The following KCNIP4 variants were observed in gnomAD, a reference collection of about 807,000 sequenced individuals.
The protein encoded by KCNIP4 is potassium voltage-gated channel interacting protein 4.
A neutral mutation model predicts 34.0 loss-of-function variants in KCNIP4; 12 were observed. The observed-to-expected ratio is 0.35, with a 90% CI of 0.23 to 0.57. The LOEUF is 0.57. KCNIP4 is among the 20% of genes least tolerant of loss of function. KCNIP4 has a pLI of 0.83. For synonymous variants in KCNIP4, 124 were observed against 102.2 expected (o/e 1.21, Z -1.29); for missense variants, 238 against 311.7 (o/e 0.76, Z 1.78).
At chr4:20,822,426 G>C (rs1717221520) in intron 3 of KCNIP4, among the ~76,000 whole-genome samples, 1 of 152,174 alleles carries the variant, frequency 6.6e-6, no homozygotes, top group South Asian at 2.1e-4. Flanking sequence ...AACAATAGAT[G>C]TTGGTTGGTG....
chr4:21,559,017 A>G (rs946290170), intron 1 of KCNIP4, among the ~76,000 whole-genome samples: 1 of 152,182 alleles, frequency 6.6e-6, no homozygotes, highest in Non-Finnish European at 1.5e-5. Context: ...GAATAAGAAC[A>G]TAGGCTTTGG....
intron 1 of KCNIP4, among the ~76,000 whole-genome samples, chr4:21,147,939 C>CAAAAAAAAAAAAAAAAAAAAAAAAAAAA (rs377562727): frequency 7.7e-4 from 24 of 30,992 alleles, no homozygotes; most frequent in East Asian, 1.9e-3. Context: ...AACTCCGTCT[C>CAAAAAAAAAAAAAAAAAAAAAAAAAAAA]AAAAAAAAAA....
intron 1 of KCNIP4, among the ~76,000 whole-genome samples, chr4:21,172,211 T>C (rs192654196): frequency 1.7e-4 from 26 of 152,188 alleles, no homozygotes; most frequent in Middle Eastern, 3.4e-3. Context: ...TTTGTATTTT[T>C]AGTAGAGAAG....
At chr4:21,494,773 TAA>T (rs34162922) in intron 1 of KCNIP4, among the ~76,000 whole-genome samples, 1,537 of 111,686 alleles carry the variant, frequency 0.014, 59 homozygotes, top group East Asian at 0.13. Flanking sequence ...TCAGACTGTG[TAA>T]AAAAAAAAAA....
rs1016514735 is a variant in KCNIP4 at position 21,881,390 on chromosome 4, A to C, written c.61+67181T>G. ...AAGCTAAATGTGAAGGCAGTGAAAG[A>C]AAAATAGTACCCTAGGATAAAATAG... is the stretch of plus-strand genomic sequence containing the variant. On this transcript the variant is annotated intron_variant, in intron 1 of 8. Coordinates refer to ENST00000382152, the MANE Select transcript of KCNIP4 (RefSeq NM_025221.6). Among the ~76,000 whole-genome samples the C allele has an allele frequency of 2.0e-5, 3 of 152,300 alleles. No homozygotes were observed. The Middle Eastern group carries it at 0.01, about 518-fold the overall frequency.
intron 1 of KCNIP4, among the ~76,000 whole-genome samples, chr4:21,222,806 T>A (rs1465958696): frequency 6.6e-6 from 1 of 152,178 alleles, no homozygotes; most frequent in Non-Finnish European, 1.5e-5. Context: ...TTTATGCCAG[T>A]TTTTCACATA....
At chr4:21,528,062 G>A (rs192276421) in intron 1 of KCNIP4, among the ~76,000 whole-genome samples, 5 of 152,182 alleles carry the variant, frequency 3.3e-5, no homozygotes, top group Admixed American at 2.6e-4. Context: ...CAGTATCATC[G>A]AGTTCTAAGG....
chr4:21,167,963 A>G (rs1753753591), intron 1 of KCNIP4, among the ~76,000 whole-genome samples: 2 of 152,186 alleles, frequency 1.3e-5, no homozygotes, highest in African/African-American at 4.8e-5. Flanking sequence ...TGATCAGGCC[A>G]CCTCAGTGCC....
intron 1 of KCNIP4, among the ~76,000 whole-genome samples, chr4:21,822,919 A>G (rs972583194): frequency 1.3e-5 from 2 of 151,968 alleles, no homozygotes; most frequent in African/African-American, 4.8e-5. Context: ...GGGTTTCACC[A>G]TGTTGGCCAG....
intron 1 of KCNIP4, among the ~76,000 whole-genome samples, chr4:21,659,947 T>C (rs1748309232): frequency 6.6e-6 from 1 of 152,176 alleles, no homozygotes. Context: ...GTTTGTTCCA[T>C]GTGTAGCCTA....
At position 21,241,158 on chromosome 4, in the gene KCNIP4, AAG is replaced by A. The variant is rs1025075211; in HGVS notation, c.62-358451_62-358450del. ...GGTAAAAAGACAAAAAAAAAGGAAA[AAG>A]AATTTTCTATATAGTATGTACAGTG... On this transcript the variant is annotated intron_variant, in intron 1 of 8. Transcript: ENST00000382152. Among the ~76,000 whole-genome samples, 214 of 152,316 alleles carry A rather than the reference AAG, an allele frequency of 1.4e-3. 1 individual carries two copies. Among genetic ancestry groups the A allele is most frequent in the African/African-American group, 4.8e-3 (200 of 41,570 alleles).
chr4:20,897,933 C>T (rs1436682027), intron 1 of KCNIP4, among the ~76,000 whole-genome samples: 2 of 152,100 alleles, frequency 1.3e-5, no homozygotes, highest in Non-Finnish European at 2.9e-5. Flanking sequence ...ACCCAGATAC[C>T]TGGTCAAATA....
At chr4:21,423,808 ATTTT>A (rs58053047) in intron 1 of KCNIP4, among the ~76,000 whole-genome samples, 1 of 141,354 alleles carries the variant, frequency 7.1e-6, no homozygotes. Flanking sequence ...ACTTATGAGA[ATTTT>A]TTTTTTTTTT....
intron 1 of KCNIP4, among the ~76,000 whole-genome samples, chr4:21,563,484 T>A (rs949452561): frequency 1.3e-5 from 2 of 152,102 alleles, no homozygotes; most frequent in East Asian, 3.9e-4. Context: ...TTTCCACAAT[T>A]TATATGAAAA....
chr4:21,149,829 G>A (rs1752632678), intron 1 of KCNIP4, among the ~76,000 whole-genome samples: 1 of 151,782 alleles, frequency 6.6e-6, no homozygotes, highest in Non-Finnish European at 1.5e-5. Flanking sequence ...TGAGAAAAGG[G>A]GAAATAAAAA....
intron 1 of KCNIP4, among the ~76,000 whole-genome samples, chr4:20,967,281 C>T (rs951697421): frequency 5.3e-5 from 8 of 151,790 alleles, no homozygotes; most frequent in Non-Finnish European, 7.4e-5. Flanking sequence ...ATTACTCTCT[C>T]GACACAAGAA....
intron 1 of KCNIP4, among the ~76,000 whole-genome samples, chr4:21,862,180 C>T (rs1725115041): frequency 6.6e-6 from 1 of 152,170 alleles, no homozygotes; most frequent in African/African-American, 2.4e-5. Context: ...TTTCCCATCA[C>T]TCACTGTTAC....
At chr4:20,771,045 C>T (rs896635468) in intron 3 of KCNIP4, among the ~76,000 whole-genome samples, 4 of 152,144 alleles carry the variant, frequency 2.6e-5, no homozygotes, top group African/African-American at 7.2e-5. Flanking sequence ...ATTTAAAGTA[C>T]ATGGGAGGAT....
intron 5 of KCNIP4, among the ~76,000 whole-genome samples, chr4:20,738,522 G>A (rs1412147417): frequency 6.6e-6 from 1 of 152,160 alleles, no homozygotes; most frequent in Non-Finnish European, 1.5e-5. Context: ...CACACTTTGA[G>A]AATCACTGGC....
Sources: gnomAD v4.1 joint callset for allele counts (sites outside exome capture counted in the v4.1 genomes callset) on GRCh38, gnomAD v4.1.1 for gene constraint, MANE v1.5 for transcripts, NCBI Gene and HGNC (gene_info 2026-07-23, HGNC 2026-07-21) for gene names.